Variants in GRIK3 observed in about 807,000 individuals in gnomAD.
GRIK3 encodes glutamate receptor ionotropic, kainate 3.
In GRIK3, 29 loss-of-function variants were observed where a neutral mutation model predicts 102.5. That is an observed-to-expected ratio of 0.28 (90% CI 0.21 to 0.39). GRIK3 has a LOEUF of 0.39. GRIK3 is among the 10% of genes least tolerant of loss of function. The probability of loss-of-function intolerance (pLI) is 1.00; values close to 1 mark genes in which losing one functional copy is unlikely to be tolerated. For missense variants in GRIK3, 908 were observed against 1,252.4 expected (o/e 0.73, Z 4.15); for synonymous variants, 511 against 504.9 (o/e 1.01, Z -0.16).
chr1:36,861,184 CGTT>C (rs547426603), intron 5 of GRIK3, among the ~76,000 whole-genome samples: 216 of 152,332 alleles, frequency 1.4e-3, no homozygotes, highest in Admixed American at 0.013. Context: ...CTGGTTCCCT[CGTT>C]AGTGAGTTGA....
At chr1:36,834,670 T>C (rs1640350457) in intron 10 of GRIK3, among the ~76,000 whole-genome samples, 1 of 152,124 alleles carries the variant, frequency 6.6e-6, no homozygotes, top group African/African-American at 2.4e-5. Context: ...GAAGGCTCAG[T>C]GGAATTTCCC....
At chr1:36,971,545 C>T (rs1226970779) in intron 1 of GRIK3, among the ~76,000 whole-genome samples, 1 of 152,178 alleles carries the variant, frequency 6.6e-6, no homozygotes, top group Admixed American at 6.5e-5. Context: ...TAAGTCCTCC[C>T]CTCTGTGCCT....
intron 3 of GRIK3, among the ~76,000 whole-genome samples, chr1:36,879,179 T>C (rs1640939663): frequency 6.6e-6 from 1 of 152,094 alleles, no homozygotes; most frequent in South Asian, 2.1e-4. Flanking sequence ...TTCCCTACAA[T>C]GTAGTGCTTG....
intron 1 of GRIK3, among the ~76,000 whole-genome samples, chr1:36,909,038 G>A (rs1359019246): frequency 2.6e-5 from 4 of 152,164 alleles, no homozygotes; most frequent in Non-Finnish European, 4.4e-5. Flanking sequence ...TAGAGAGGAA[G>A]TAACATTGCC....
intron 1 of GRIK3, among the ~76,000 whole-genome samples, chr1:36,958,226 G>C (rs1570823997): frequency 3.0e-5 from 3 of 101,342 alleles, no homozygotes; most frequent in Admixed American, 1.1e-4. Context: ...CCGTGAGCCT[G>C]TGTGCCCCGT....
intron 1 of GRIK3, among the ~76,000 whole-genome samples, chr1:36,938,487 T>G (rs1317750278): frequency 6.6e-6 from 1 of 152,208 alleles, no homozygotes; most frequent in African/African-American, 2.4e-5. Context: ...GCCGTGATGT[T>G]GCATCTCTGT....
At position 36,920,275 on chromosome 1, in the gene GRIK3, C is replaced by G. The variant is rs567286663; in HGVS notation, c.116-29179G>C. On this transcript the variant is annotated intron_variant, in intron 1 of 15. Transcript: ENST00000373091. Reference sequence around the variant, plus strand: ...GCTCAGAAACTAACTAGCTGTTACTCAACCCCTCTGCCTGTCAGTTTTTCC... The same window carrying G: ...GCTCAGAAACTAACTAGCTGTTACTGAACCCCTCTGCCTGTCAGTTTTTCC... Among the ~76,000 whole-genome samples the G allele has an allele frequency of 1.5e-4, 23 of 152,322 alleles. No homozygotes were observed. In the South Asian group the frequency reaches 4.6e-3, roughly 30 times the overall value.
intron 1 of GRIK3, among the ~76,000 whole-genome samples, chr1:37,013,177 G>A (rs900787111): frequency 4.6e-5 from 7 of 152,160 alleles, no homozygotes; most frequent in African/African-American, 1.2e-4. Context: ...ATCAGATCTC[G>A]TGAGACGTAT....
chr1:36,948,142 A>G (rs528838348), intron 1 of GRIK3, among the ~76,000 whole-genome samples: 10 of 152,352 alleles, frequency 6.6e-5, no homozygotes, highest in African/African-American at 2.4e-4. Context: ...CCTGGTATCA[A>G]ACTGGGGCAG....
At chr1:36,973,876 C>T (rs970441436) in intron 1 of GRIK3, among the ~76,000 whole-genome samples, 3 of 152,110 alleles carry the variant, frequency 2.0e-5, no homozygotes, top group Non-Finnish European at 4.4e-5. Context: ...TGGACAGTAC[C>T]CTGCCCTTGT....
intron 1 of GRIK3, among the ~76,000 whole-genome samples, chr1:36,894,488 GAA>G (rs1168337529): frequency 6.6e-6 from 1 of 152,214 alleles, no homozygotes; most frequent in Non-Finnish European, 1.5e-5. Flanking sequence ...TGACAAGCTT[GAA>G]AGTTGCCATT....
chr1:36,954,676 T>G (rs1199931957), intron 1 of GRIK3, among the ~76,000 whole-genome samples: 1 of 152,156 alleles, frequency 6.6e-6, no homozygotes, highest in Non-Finnish European at 1.5e-5. Context: ...GGAAAGAGTG[T>G]GCATGCACAT....
chr1:36,879,710 T>C (rs1177069544), intron 3 of GRIK3, among the ~76,000 whole-genome samples: 1 of 152,106 alleles, frequency 6.6e-6, no homozygotes, highest in East Asian at 1.9e-4. Context: ...GTGGGTCAGG[T>C]GGGTCCTACC....
intron 1 of GRIK3, among the ~76,000 whole-genome samples, chr1:37,029,710 T>C (rs1389428476): frequency 6.6e-6 from 1 of 152,084 alleles, no homozygotes. Flanking sequence ...AGGCACAGAG[T>C]GCCTGTGGGA....
intron 1 of GRIK3, among the ~76,000 whole-genome samples, chr1:36,963,191 G>C (rs942314675): frequency 9.2e-5 from 14 of 152,174 alleles, no homozygotes; most frequent in African/African-American, 3.4e-4. Context: ...CTAATCCTTG[G>C]TCTTCCACTC....
intron 13 of GRIK3, among the ~76,000 whole-genome samples, chr1:36,815,249 C>T (rs1162617344): frequency 6.6e-6 from 1 of 152,238 alleles, no homozygotes; most frequent in African/African-American, 2.4e-5. Flanking sequence ...AGCTCCTTTC[C>T]TCACTCACTG....
chr1:36,935,501 C>G (rs189117171), intron 1 of GRIK3, among the ~76,000 whole-genome samples: 96 of 152,250 alleles, frequency 6.3e-4, no homozygotes, highest in African/African-American at 2.3e-3. Flanking sequence ...CCTATGACCG[C>G]TCTGTATCTG....
At chr1:36,981,978 G>A (rs1289796781) in intron 1 of GRIK3, among the ~76,000 whole-genome samples, 1 of 152,160 alleles carries the variant, frequency 6.6e-6, no homozygotes, top group East Asian at 1.9e-4. Flanking sequence ...AAGCAAACGG[G>A]GAGCGGGAGT....
At chr1:36,991,782 G>A (rs1426367658) in intron 1 of GRIK3, among the ~76,000 whole-genome samples, 1 of 152,222 alleles carries the variant, frequency 6.6e-6, no homozygotes, top group Non-Finnish European at 1.5e-5. Flanking sequence ...AAGAGTGATT[G>A]TAACAGCAAA....
Sources: allele counts gnomAD v4.1 joint callset (sites outside exome capture counted in the v4.1 genomes callset), GRCh38; gene constraint gnomAD v4.1.1; transcripts MANE v1.5; gene names NCBI Gene and HGNC (gene_info 2026-07-23, HGNC 2026-07-21).